WIPF1: variants seen among roughly 807,000 people sequenced by gnomAD.
The protein encoded by WIPF1 is WAS/WASL interacting protein family member 1.
WIPF1 carries 13 observed loss-of-function variants against 35.4 expected under a neutral mutation model. The ratio of observed to expected loss-of-function variants is 0.37; its 90% confidence interval spans 0.24 to 0.58. The LOEUF (loss-of-function observed/expected upper bound fraction) is 0.58. Ranked by LOEUF, WIPF1 falls within the 20% of genes least tolerant of loss-of-function variation. The pLI is 0.74. For missense variants in WIPF1, 591 were observed against 667.0 expected, an observed-to-expected ratio of 0.89 and a Z score of 1.25; for synonymous variants, 267 against 266.3, an observed-to-expected ratio of 1.00 and a Z score of -0.02.
In WIPF1 at chr2:174,572,307, C is replaced by T. The variant is rs779843106; in HGVS notation, c.498G>A (p.Arg166=). The T allele has an allele frequency of 3.7e-6, 6 of 1,614,108 alleles. No individual in the cohort carries two copies. Among genetic ancestry groups the T allele is most frequent in the Non-Finnish European group, 5.1e-6 (6 of 1,180,012 alleles). ...GHRSGPPEPQ[R]NRMPPPRPDV... is the part of the protein sequence containing the mutation. Reference sequence around the variant, plus strand: ...CGGGCCTTGGGGGCGGCATTCGGTTCCTCTGAGGCTCTGGGGGACCACTTC... The same window carrying T: ...CGGGCCTTGGGGGCGGCATTCGGTTTCTCTGAGGCTCTGGGGGACCACTTC... Residue 166 remains arginine (R), a synonymous_variant, in exon 5 of 8, where the codon AGG becomes AGA. Coordinates refer to ENST00000679041, the MANE Select transcript of WIPF1 (RefSeq NM_001375834.1).
intron 1 of WIPF1, among the ~76,000 whole-genome samples, chr2:174,657,808 G>A (rs910092771): frequency 2.0e-5 from 3 of 151,788 alleles, no homozygotes; most frequent in Non-Finnish European, 4.4e-5. Flanking sequence ...TACTCGGGAG[G>A]CTGGGGCAGG....
chr2:174,665,327 T>A (rs1383949399), intron 1 of WIPF1: 1 of 152,242 alleles, frequency 6.6e-6, no homozygotes, highest in Non-Finnish European at 1.5e-5. Context: ...GACACTCAAC[T>A]GTTTTCTGCC....
chr2:174,660,922 C>G (rs1687744413), intron 1 of WIPF1, among the ~76,000 whole-genome samples: 1 of 152,358 alleles, frequency 6.6e-6, no homozygotes. Context: ...GCAACAACCA[C>G]TGATGCCTAG....
At position 174,675,623 on chromosome 2, in the gene WIPF1, G is replaced by A. The variant is rs528123906; in HGVS notation, c.-39+7151C>T. 4.6e-5 allele frequency among the ~76,000 whole-genome samples: 7 copies of A among 152,134 alleles called. No homozygotes were observed. The East Asian group carries it at 1.4e-3, about 29-fold the overall frequency. ...CCTGCCTCAGCTTCTCAAAGTGCTG[G>A]GATTACAGGTGTGAGCCACCATGCT... On this transcript the variant is annotated intron_variant, in intron 1 of 8. Coordinates refer to the WIPF1 transcript ENST00000272746.
chr2:174,590,864 T>C lies in WIPF1; in HGVS notation c.-38-5253A>G, dbSNP rs757112769. Among the ~76,000 whole-genome samples the C allele has an allele frequency of 3.3e-5, 5 of 152,240 alleles. No homozygotes were observed. Among genetic ancestry groups the C allele is most frequent in the Admixed American group, 6.5e-5 (1 of 15,282 alleles). ...CTTTCTAAAATCTTTACTTGGTGTG[T>C]TGACTTCTACAAACACAAAGAAAAC... On this transcript the variant is annotated intron_variant, in intron 1 of 7. Transcript: ENST00000679041. This position sits in a 1 kb window ranked among gnomAD's most constrained non-coding sequence, Gnocchi z 4.6.
chr2:174,595,140 A>ATATATATAT (rs1260140362), intron 1 of WIPF1, among the ~76,000 whole-genome samples: 13 of 128,490 alleles, frequency 1.0e-4, no homozygotes, highest in African/African-American at 1.8e-4. Flanking sequence ...ATATATATAT[A>ATATATATAT]ATTAACTGGG....
chr2:174,663,995 G>A (rs1485361502), intron 1 of WIPF1, among the ~76,000 whole-genome samples: 44 of 152,162 alleles, frequency 2.9e-4, no homozygotes, highest in Admixed American at 2.8e-3. Flanking sequence ...CACATACAGC[G>A]ACAGAGCTGG....
chr2:174,576,660 G>T (rs1685074315), intron 3 of WIPF1, among the ~76,000 whole-genome samples: 1 of 152,182 alleles, frequency 6.6e-6, no homozygotes, highest in African/African-American at 2.4e-5. Context: ...CAAACAAAAA[G>T]ATTACTGAGT....
At chr2:174,646,338 A>C (rs1262890400) in intron 1 of WIPF1, among the ~76,000 whole-genome samples, 2 of 152,204 alleles carry the variant, frequency 1.3e-5, no homozygotes, top group Non-Finnish European at 2.9e-5. Context: ...ATCACTCCCG[A>C]AAGAAAGAAT....
chr2:174,617,118 T>TG (rs1686530396), intron 1 of WIPF1, among the ~76,000 whole-genome samples: 1 of 152,178 alleles, frequency 6.6e-6, no homozygotes, highest in Admixed American at 6.5e-5. Context: ...AATTAAAATG[T>TG]TTTAAGTGAT....
intron 3 of WIPF1, among the ~76,000 whole-genome samples, chr2:174,580,104 C>G (rs1685187016): frequency 1.3e-5 from 2 of 152,204 alleles, no homozygotes; most frequent in South Asian, 4.1e-4. Flanking sequence ...GCATGTGCCA[C>G]CACACCTGGC....
At chr2:174,569,602 TAGAAA>T (rs1684768532) in intron 5 of WIPF1, among the ~76,000 whole-genome samples, 1 of 152,136 alleles carries the variant, frequency 6.6e-6, no homozygotes, top group Non-Finnish European at 1.5e-5. Flanking sequence ...GCAGGCACAA[TAGAAA>T]AGAAAACAGA....
upstream of WIPF1, among the ~76,000 whole-genome samples, chr2:174,600,217 G>C (rs1685958482): frequency 6.6e-6 from 1 of 152,182 alleles, no homozygotes; most frequent in Non-Finnish European, 1.5e-5. Flanking sequence ...AAGGGAGTAT[G>C]TCACCTAGAA....
intron 1 of WIPF1, among the ~76,000 whole-genome samples, chr2:174,677,593 C>T (rs567103307): frequency 4.8e-4 from 73 of 152,344 alleles, no homozygotes; most frequent in African/African-American, 1.5e-3. Flanking sequence ...ACAACGTGAA[C>T]CATGCTTATC....
At position 174,585,500 on chromosome 2, in the gene WIPF1, GTGTT is replaced by G. The variant is rs746512779; in HGVS notation, c.51+19_51+22del. 1.3e-5 allele frequency: 20 copies of G among 1,520,940 alleles called. No homozygotes were observed. In the African/African-American group the frequency reaches 2.6e-4, roughly 20 times the overall value. The allele number at this position is 1,520,940 out of a possible 1,614,324, so 94.2% of individuals were successfully genotyped here. On this transcript the variant is annotated intron_variant, in intron 2 of 7. Coordinates refer to ENST00000679041, the MANE Select transcript of WIPF1 (RefSeq NM_001375834.1). Reference sequence around the variant, plus strand: ...ATTTGGCTTGCTTTATGCATAGAAAGTGTTTGGGGAGGAGACACTCACCAGTGCA... The same window carrying G: ...ATTTGGCTTGCTTTATGCATAGAAAGTGGGGAGGAGACACTCACCAGTGCA...
chr2:174,562,469 A>T lies in WIPF1; in HGVS notation c.*78T>A. ...CCCATACATGAGGCACAAGGGAAGA[A>T]GCAGGGAGGAGGGTATGCAGTTCTT... On this transcript the variant is annotated 3_prime_UTR_variant, in exon 8 of 8. Coordinates refer to ENST00000679041, the MANE Select transcript of WIPF1 (RefSeq NM_001375834.1). The T allele has an allele frequency of 6.2e-7, 1 of 1,606,838 alleles. No homozygotes were observed. The highest frequency in any genetic ancestry group is 8.5e-7 in the Non-Finnish European group (1 of 1,176,458).
In WIPF1 at chr2:174,560,309, T is replaced by C. The variant is rs1684452785; in HGVS notation, c.*2238A>G. ...TTCTGGATGAATGGCAACTTTGAGCTATCACCCTGTTTCAGATTTAGAACG... is the reference window on the plus strand; with the variant it reads ...TTCTGGATGAATGGCAACTTTGAGCCATCACCCTGTTTCAGATTTAGAACG... On this transcript the variant is annotated 3_prime_UTR_variant, in exon 8 of 8. Coordinates refer to ENST00000679041, the MANE Select transcript of WIPF1 (RefSeq NM_001375834.1). 1 of 152,638 alleles carries C rather than the reference T, an allele frequency of 6.6e-6. No homozygotes were observed. The highest frequency in any genetic ancestry group is 1.5e-5 in the Non-Finnish European group (1 of 68,026). 9.5% of individuals were successfully genotyped at this position (152,638 alleles called of 1,614,324 possible). A position where few individuals can be genotyped will look rare whatever the true frequency, so the allele number is the denominator to read the frequency against.
At position 174,632,814 on chromosome 2, in the gene WIPF1, G is replaced by C. The variant is rs1687069165; in HGVS notation, c.-38-47203C>G. On this transcript the variant is annotated intron_variant, in intron 1 of 8. Coordinates refer to the WIPF1 transcript ENST00000272746. ...CCTTTCTACTGTGAGCAGCAGATTT[G>C]CAGAATATAAAACTTCTGAAACAGC... Among the ~76,000 whole-genome samples, 3 of 151,170 alleles carry C rather than the reference G, an allele frequency of 2.0e-5. No individual in the cohort carries two copies. The South Asian group carries it at 6.3e-4, about 32-fold the overall frequency.
chr2:174,681,003 A>T (rs1261888546), intron 1 of WIPF1, among the ~76,000 whole-genome samples: 1 of 152,250 alleles, frequency 6.6e-6, no homozygotes, highest in African/African-American at 2.4e-5. Flanking sequence ...GACAATTTTT[A>T]AAATGAACAA....
Sources: allele counts gnomAD v4.1 joint callset (sites outside exome capture counted in the v4.1 genomes callset), GRCh38; gene constraint gnomAD v4.1.1; non-coding constraint Gnocchi (gnomAD v3.1); transcripts MANE v1.5; gene names NCBI Gene and HGNC (gene_info 2026-07-23, HGNC 2026-07-21).